MACROD2: variants seen among roughly 807,000 people sequenced by gnomAD.
MACROD2 encodes mono-ADP ribosylhydrolase 2.
MACROD2 carries 36 observed loss-of-function variants against 70.4 expected under a neutral mutation model. That is an observed-to-expected ratio of 0.51 (90% confidence interval 0.39 to 0.68). The LOEUF is 0.68. Among genes scored for constraint, MACROD2 ranks in the 30% least tolerant of loss-of-function variants. MACROD2 has a pLI of 0.00. For missense variants in MACROD2, 496 were observed against 538.4 expected, an observed-to-expected ratio of 0.92 and a Z score of 0.78; for synonymous variants, 172 against 178.8, an observed-to-expected ratio of 0.96 and a Z score of 0.30.
At chr20:14,429,230 A>G (rs1418932491) in intron 3 of MACROD2, among the ~76,000 whole-genome samples, 3 of 152,174 alleles carry the variant, frequency 2.0e-5, no homozygotes, top group East Asian at 3.9e-4. Flanking sequence ...GTTCCTATAT[A>G]TATGTATTTA....
chr20:15,177,210 G>T (rs911645881), intron 5 of MACROD2, among the ~76,000 whole-genome samples: 3 of 152,220 alleles, frequency 2.0e-5, no homozygotes, highest in African/African-American at 7.2e-5. Flanking sequence ...CCCAGTGGGC[G>T]TGAACAATAC....
At chr20:15,659,202 T>C (rs1440527949) in intron 8 of MACROD2, among the ~76,000 whole-genome samples, 1 of 152,112 alleles carries the variant, frequency 6.6e-6, no homozygotes, top group Non-Finnish European at 1.5e-5. Flanking sequence ...GGTTTGTAGG[T>C]ATATGATACC....
intron 3 of MACROD2, among the ~76,000 whole-genome samples, chr20:14,101,613 G>A (rs1484552110): frequency 3.9e-5 from 6 of 152,002 alleles, no homozygotes; most frequent in Non-Finnish European, 8.8e-5. Context: ...CAATGAAATG[G>A]TTATTTTGTG....
At chr20:14,965,992 C>G (rs577394612) in intron 5 of MACROD2, among the ~76,000 whole-genome samples, 2 of 152,028 alleles carry the variant, frequency 1.3e-5, no homozygotes, top group Non-Finnish European at 2.9e-5. Flanking sequence ...TATGAATATT[C>G]AAGGAGATGA....
intron 15 of MACROD2, among the ~76,000 whole-genome samples, chr20:16,029,777 C>T (rs956071044): frequency 5.3e-5 from 8 of 152,146 alleles, no homozygotes; most frequent in African/African-American, 1.9e-4. Flanking sequence ...CAAGAATAAC[C>T]TTTGTAATCC....
chr20:14,820,456 T>C (rs1277900009), intron 5 of MACROD2, among the ~76,000 whole-genome samples: 2 of 151,044 alleles, frequency 1.3e-5, no homozygotes, highest in African/African-American at 4.9e-5. Flanking sequence ...CTGCTGAACA[T>C]GTGGCTCAAC....
At chr20:15,432,872 T>A (rs1399213456) in intron 7 of MACROD2, among the ~76,000 whole-genome samples, 1 of 151,906 alleles carries the variant, frequency 6.6e-6, no homozygotes, top group Non-Finnish European at 1.5e-5. Flanking sequence ...ATATATATGG[T>A]ATACTATAAG....
chr20:14,116,835 G>A (rs1312280675), intron 3 of MACROD2, among the ~76,000 whole-genome samples: 1 of 152,028 alleles, frequency 6.6e-6, no homozygotes, highest in Non-Finnish European at 1.5e-5. Flanking sequence ...TTGGGAGGCC[G>A]AGGCAGTTGG....
intron 3 of MACROD2, among the ~76,000 whole-genome samples, chr20:14,352,646 T>C (rs1027867030): frequency 6.6e-6 from 1 of 152,144 alleles, no homozygotes; most frequent in Non-Finnish European, 1.5e-5. Flanking sequence ...AGGAGATACA[T>C]TGTATGTTAA....
chr20:14,753,766 T>G (rs1418191315), intron 5 of MACROD2, among the ~76,000 whole-genome samples: 1 of 152,098 alleles, frequency 6.6e-6, no homozygotes. Flanking sequence ...ATGGGTAATA[T>G]CAGACCATAA....
intron 3 of MACROD2, among the ~76,000 whole-genome samples, chr20:14,251,028 C>T (rs1000104387): frequency 2.6e-5 from 4 of 152,008 alleles, no homozygotes; most frequent in African/African-American, 9.7e-5. Context: ...AGTTTGATGA[C>T]ATTTTAAACA....
Position 15,683,059 on chromosome 20 carries a change from C to T in MACROD2, c.646-179686C>T, listed in dbSNP as rs187091008. ...GAATCAGAGATTGATGAACAATTTT[C>T]GCCAAATATTTTAAGTAATGGCATA... On this transcript the variant is annotated intron_variant, in intron 8 of 17. Transcript: ENST00000684519. Among the ~76,000 whole-genome samples, 552 of 152,230 alleles carry T rather than the reference C, an allele frequency of 3.6e-3. 12 individuals are homozygous for T. The highest frequency in any genetic ancestry group is 0.033 in the Admixed American group (502 of 15,278).
intron 5 of MACROD2, among the ~76,000 whole-genome samples, chr20:15,006,718 G>A (rs1296462451): frequency 6.6e-6 from 1 of 152,070 alleles, no homozygotes; most frequent in Non-Finnish European, 1.5e-5. Flanking sequence ...GGAAATTACT[G>A]CCCTATGAGA....
chr20:15,861,662 G>C (rs542837246), intron 8 of MACROD2, among the ~76,000 whole-genome samples: 2 of 152,130 alleles, frequency 1.3e-5, no homozygotes, highest in Non-Finnish European at 2.9e-5. Context: ...CTGGTCTTCC[G>C]TCAGAAAATG....
intron 5 of MACROD2, among the ~76,000 whole-genome samples, chr20:15,098,247 A>G (rs2075848216): frequency 6.6e-6 from 1 of 152,078 alleles, no homozygotes; most frequent in Admixed American, 6.5e-5. Flanking sequence ...AGGGTCTCAC[A>G]TTTTCATTTC....
chr20:15,385,769 A>G (rs2045704415), intron 6 of MACROD2, among the ~76,000 whole-genome samples: 1 of 152,230 alleles, frequency 6.6e-6, no homozygotes, highest in African/African-American at 2.4e-5. Flanking sequence ...CACTAAAGTT[A>G]AATTCAGCCA....
chr20:14,911,536 T>G (rs1490172105), intron 5 of MACROD2, among the ~76,000 whole-genome samples: 1 of 151,976 alleles, frequency 6.6e-6, no homozygotes, highest in Non-Finnish European at 1.5e-5. Flanking sequence ...GCCACTATGT[T>G]GAGGTAACTT....
intron 3 of MACROD2, among the ~76,000 whole-genome samples, chr20:14,437,461 G>C (rs1007450718): frequency 6.6e-6 from 1 of 152,060 alleles, no homozygotes. Flanking sequence ...GGGCGTGGTG[G>C]TGAGTGCCTG....
At chr20:14,516,938 A>G (rs1354823415) in intron 4 of MACROD2, among the ~76,000 whole-genome samples, 1 of 152,198 alleles carries the variant, frequency 6.6e-6, no homozygotes, top group Non-Finnish European at 1.5e-5. Context: ...TATGAGAAAA[A>G]GCTCATCATC....
Sources: allele counts gnomAD v4.1 joint callset (sites outside exome capture counted in the v4.1 genomes callset), GRCh38; gene constraint gnomAD v4.1.1; transcripts MANE v1.5; gene names NCBI Gene and HGNC (gene_info 2026-07-23, HGNC 2026-07-21).